STX7: variants seen among roughly 807,000 people sequenced by gnomAD.
STX7 encodes syntaxin 7.
STX7 carries 34 observed loss-of-function variants against 39.6 expected under a neutral mutation model. The ratio of observed to expected loss-of-function variants is 0.86; its 90% CI spans 0.65 to 1.14. The LOEUF is 1.14. Among genes scored for constraint, STX7 ranks in the 50% most tolerant of loss-of-function variants. The pLI is 0.00. For synonymous variants in STX7, 119 were observed against 99.1 expected (o/e 1.20, Z -1.19); for missense variants, 284 against 310.4 (o/e 0.92, Z 0.64).
At chr6:132,478,774 A>C (rs13205427) in intron 2 of STX7, among the ~76,000 whole-genome samples, 50,065 of 152,094 alleles carry the variant, frequency 0.33, 8,952 homozygotes, top group East Asian at 0.72. Flanking sequence ...ATACCTGCTT[A>C]TATGGCAAAT....
At chr6:132,512,322 G>C (rs1775867215) in intron 1 of STX7, among the ~76,000 whole-genome samples, 1 of 152,108 alleles carries the variant, frequency 6.6e-6, no homozygotes, top group African/African-American at 2.4e-5. Context: ...CATTTGATCA[G>C]AAATGCAACT....
chr6:132,491,551 C>T (rs1456606584), intron 2 of STX7, among the ~76,000 whole-genome samples: 1 of 152,146 alleles, frequency 6.6e-6, no homozygotes, highest in Non-Finnish European at 1.5e-5. Context: ...TTCTGGCTCG[C>T]TGCCATTCTG....
intron 1 of STX7, among the ~76,000 whole-genome samples, chr6:132,509,512 CATAAA>C (rs199619816): frequency 0.015 from 2,068 of 138,084 alleles, 131 homozygotes; most frequent in South Asian, 0.016. Context: ...CATAACATAA[CATAAA>C]ATAAAAAAAG....
At chr6:132,495,854 A>G (rs1775409768) in intron 2 of STX7, among the ~76,000 whole-genome samples, 1 of 152,206 alleles carries the variant, frequency 6.6e-6, no homozygotes, top group South Asian at 2.1e-4. Context: ...TTCTTAATAA[A>G]CAATTTTGAA....
In STX7 at chr6:132,451,367, C is replaced by A. The variant is rs12196395; in HGVS notation, c.*9391G>T. 50,259 of 151,692 alleles carry A rather than the reference C, an allele frequency of 0.33. 8,891 individuals carry two copies. The highest frequency in any genetic ancestry group is 0.7 in the East Asian group (3,593 of 5,130). 9.4% of individuals were successfully genotyped at this position (151,692 alleles called of 1,614,324 possible). ...CGCCTTGGCTTCCCAAAGTGCTGGG[C>A]TTACAGGCGTGAGCCACCCCTCTTG... On this transcript the variant is annotated 3_prime_UTR_variant, in exon 10 of 10. Transcript: ENST00000367941.
rs1774128444 is a variant in STX7 at position 132,451,153 on chromosome 6, A to G, written c.*9605T>C. ...CGTTCTGTTGCTCAGACTGGAGTAC[A>G]GTGGTGCGATCTCAGCTCACTGTAA... On this transcript the variant is annotated 3_prime_UTR_variant, in exon 10 of 10. Transcript: ENST00000367941. 1 of 149,606 alleles carries G rather than the reference A, an allele frequency of 6.7e-6. No homozygotes were observed. Among genetic ancestry groups the G allele is most frequent in the Non-Finnish European group, 1.5e-5 (1 of 67,776 alleles). The allele number at this position is 149,606 out of a possible 1,614,324, so 9.3% of individuals were successfully genotyped here.
chr6:132,458,907 C>T lies in STX7; in HGVS notation c.*1851G>A, dbSNP rs865924378. The stretch of plus-strand genomic sequence containing the variant: ...AAATCACGCCCCCCAAATTTGTAAG[C>T]GCTTTTGTTGTTATTGGGTACTCAC... On this transcript the variant is annotated 3_prime_UTR_variant, in exon 10 of 10. Transcript: ENST00000367941. 14 of 152,076 alleles carry T rather than the reference C, an allele frequency of 9.2e-5. No individual in the cohort carries two copies. Among genetic ancestry groups the T allele is most frequent in the Admixed American group, 2.6e-4 (4 of 15,268 alleles). The allele number at this position is 152,076 out of a possible 1,614,324, so 9.4% of individuals were successfully genotyped here. A position where few individuals can be genotyped will look rare whatever the true frequency, so the allele number is the denominator to read the frequency against.
At chr6:132,498,865 A>G (rs1232292803) in intron 2 of STX7, among the ~76,000 whole-genome samples, 2 of 152,220 alleles carry the variant, frequency 1.3e-5, no homozygotes, top group Non-Finnish European at 2.9e-5. Flanking sequence ...CTTCATTTAG[A>G]CATTGAATCT....
intron 2 of STX7, among the ~76,000 whole-genome samples, chr6:132,501,405 G>C (rs779276417): frequency 6.6e-5 from 10 of 152,058 alleles, no homozygotes; most frequent in Admixed American, 1.3e-4. Flanking sequence ...GAGTATCATA[G>C]CCAGACCTTC....
At chr6:132,490,417 T>C (rs1012480116) in intron 2 of STX7, among the ~76,000 whole-genome samples, 1 of 152,200 alleles carries the variant, frequency 6.6e-6, no homozygotes. Context: ...CTGCTTCTTA[T>C]AGAAACACGG....
rs533609707 is a variant in STX7, at chr6:132,481,158, G to A, written c.86-5496C>T. On this transcript the variant is annotated intron_variant, in intron 2 of 9. Transcript: ENST00000367941. ...AGCAGTGTGTCACGCAGGAGCTTTTGTTTTTAAGCTTAGGTATGAAAAAAG... is the reference window on the plus strand; with the variant it reads ...AGCAGTGTGTCACGCAGGAGCTTTTATTTTTAAGCTTAGGTATGAAAAAAG... Among the ~76,000 whole-genome samples, 127 of 152,262 alleles carry A rather than the reference G, an allele frequency of 8.3e-4. 1 individual carries two copies. The highest frequency in any genetic ancestry group is 3.4e-3 in the Middle Eastern group (1 of 294).
intron 2 of STX7, among the ~76,000 whole-genome samples, chr6:132,486,444 C>T (rs1329175905): frequency 6.6e-6 from 1 of 152,124 alleles, no homozygotes; most frequent in African/African-American, 2.4e-5. Flanking sequence ...AATGCTTTTT[C>T]TGCATCTATT....
At position 132,475,652 on chromosome 6, in the gene STX7, T is replaced by C. The variant is rs938409398; in HGVS notation, c.96A>G (p.Ile32Met). The change falls in exon 3 of 10, where the codon ATA becomes ATG. Residue 32 changes from isoleucine (I) to methionine (M), a missense_variant. By Grantham distance (10) the Ile-to-Met change is conservative. Transcript: ENST00000367941. ...IQKITQCSVEIQRTLNQLGTP... is the reference protein window; with the variant it reads ...IQKITQCSVEMQRTLNQLGTP... Reference sequence around the variant, plus strand: ...TTCCAAGTTGATTCAGAGTTCTTTGTATTTCCACAGCTATTATAATAGAAA... The same window carrying C: ...TTCCAAGTTGATTCAGAGTTCTTTGCATTTCCACAGCTATTATAATAGAAA... 1.9e-6 allele frequency: 3 copies of C among 1,606,884 alleles called. No individual in the cohort carries two copies. The highest frequency in any genetic ancestry group is 1.7e-6 in the Non-Finnish European group (2 of 1,176,204).
At chr6:132,472,618 C>A (rs574150081) in intron 3 of STX7, among the ~76,000 whole-genome samples, 1 of 152,244 alleles carries the variant, frequency 6.6e-6, no homozygotes, top group Non-Finnish European at 1.5e-5. Flanking sequence ...AATTCAACGG[C>A]CATTTAGAAA....
At position 132,449,896 on chromosome 6, in the gene STX7, A is replaced by G. The variant is rs569513209; in HGVS notation, c.*10862T>C. On this transcript the variant is annotated 3_prime_UTR_variant, in exon 10 of 10. Coordinates refer to ENST00000367941, the MANE Select transcript of STX7 (RefSeq NM_003569.3). ...GTGTGTTTCCTTGCATGTTTGATTA[A>G]TCTAGAAGCATTAATTAGGGAGGCT... 14 of 152,354 alleles carry G rather than the reference A, an allele frequency of 9.2e-5. No homozygotes were observed. The highest frequency in any genetic ancestry group is 2.9e-4 in the African/African-American group (12 of 41,584). 9.4% of individuals were successfully genotyped at this position (152,354 alleles called of 1,614,324 possible). A position where few individuals can be genotyped will look rare whatever the true frequency, so the allele number is the denominator to read the frequency against.
rs1252140203 is a variant in STX7, at chr6:132,449,620, T to C, written c.*11138A>G. The C allele has an allele frequency of 2.6e-5, 4 of 152,212 alleles. No individual in the cohort carries two copies. Among genetic ancestry groups the C allele is most frequent in the Non-Finnish European group, 5.9e-5 (4 of 68,032 alleles). 9.4% of individuals were successfully genotyped at this position (152,212 alleles called of 1,614,324 possible). Reference sequence around the variant, plus strand: ...ATATGTTGTTTCCTCAGTTAAAACTTGATAGTCAACAATTCCTTTAGTTGT... The same window carrying C: ...ATATGTTGTTTCCTCAGTTAAAACTCGATAGTCAACAATTCCTTTAGTTGT... On this transcript the variant is annotated 3_prime_UTR_variant, in exon 10 of 10. Coordinates refer to ENST00000367941, the MANE Select transcript of STX7 (RefSeq NM_003569.3).
chr6:132,469,499 A>G (rs1774655659), intron 7 of STX7, among the ~76,000 whole-genome samples: 2 of 152,180 alleles, frequency 1.3e-5, no homozygotes, highest in African/African-American at 4.8e-5. Flanking sequence ...AAAAGGAATT[A>G]TTCCAACTCA....
In STX7 at chr6:132,456,520, T is replaced by G. The variant is rs1387988898; in HGVS notation, c.*4238A>C. On this transcript the variant is annotated 3_prime_UTR_variant, in exon 10 of 10. Coordinates refer to ENST00000367941, the MANE Select transcript of STX7 (RefSeq NM_003569.3). The stretch of plus-strand genomic sequence containing the variant: ...CCAAATAAGTGCCAAATTAAGTATT[T>G]ATTAAGCAACTACTACGGGAGGGAA... 1 of 152,176 alleles carries G rather than the reference T, an allele frequency of 6.6e-6. No homozygotes were observed. Among genetic ancestry groups the G allele is most frequent in the African/African-American group, 2.4e-5 (1 of 41,420 alleles). 9.4% of individuals were successfully genotyped at this position (152,176 alleles called of 1,614,324 possible). A position where few individuals can be genotyped will look rare whatever the true frequency, so the allele number is the denominator to read the frequency against.
intron 3 of STX7, chr6:132,475,137 T>A (rs935792772): frequency 6.6e-6 from 1 of 152,072 alleles, no homozygotes; most frequent in African/African-American, 2.4e-5. Context: ...TTTTTTTTTT[T>A]TTTTAAGACA....
Sources: allele counts gnomAD v4.1 joint callset (sites outside exome capture counted in the v4.1 genomes callset), GRCh38; gene constraint gnomAD v4.1.1; transcripts MANE v1.5; gene names NCBI Gene and HGNC (gene_info 2026-07-23, HGNC 2026-07-21).